Variants in ZFAND3 observed in about 807,000 individuals in gnomAD.
ZFAND3 encodes the protein AN1-type zinc finger protein 3.
ZFAND3 carries 10 observed loss-of-function variants against 29.6 expected under a neutral mutation model. That is an observed-to-expected ratio of 0.34 (90% CI 0.21 to 0.57). The LOEUF is 0.57. ZFAND3 is among the 20% of genes least tolerant of loss of function. The probability of loss-of-function intolerance (pLI) is 0.86; values close to 1 mark genes in which losing one functional copy is unlikely to be tolerated. For synonymous variants in ZFAND3, 128 were observed against 112.6 expected (o/e 1.14, Z -0.87); for missense variants, 230 against 304.5 (o/e 0.76, Z 1.82).
chr6:38,062,125 T>G (rs1764253858), intron 3 of ZFAND3, among the ~76,000 whole-genome samples: 1 of 152,182 alleles, frequency 6.6e-6, no homozygotes, highest in African/African-American at 2.4e-5. Flanking sequence ...GATCTGTTAT[T>G]TTTAACTCCG....
intron 1 of ZFAND3, among the ~76,000 whole-genome samples, chr6:37,832,736 A>G (rs1011309621): frequency 4.3e-4 from 65 of 152,200 alleles, no homozygotes; most frequent in African/African-American, 1.4e-3. Flanking sequence ...GAGTGCAGTG[A>G]CAGGATCATA....
intron 1 of ZFAND3, among the ~76,000 whole-genome samples, chr6:37,824,232 T>C (rs2127364314): frequency 6.6e-6 from 1 of 152,358 alleles, no homozygotes; most frequent in Admixed American, 6.5e-5. Flanking sequence ...GTATCTGAAA[T>C]GAAATAGTCA....
intron 2 of ZFAND3, among the ~76,000 whole-genome samples, chr6:37,998,445 TAAAAAG>T (rs1762889823): frequency 7.3e-6 from 1 of 136,734 alleles, no homozygotes; most frequent in African/African-American, 2.8e-5. Context: ...GTGTGAAAAT[TAAAAAG>T]AAAATGTTTA....
chr6:38,143,071 T>C (rs970399600), intron 5 of ZFAND3: 2 of 152,168 alleles, frequency 1.3e-5, no homozygotes, highest in African/African-American at 4.8e-5. Flanking sequence ...GGTTTTCCTA[T>C]ATGGAGGCAA....
At chr6:37,970,149 A>C (rs1561951130) in intron 2 of ZFAND3, among the ~76,000 whole-genome samples, 1 of 152,106 alleles carries the variant, frequency 6.6e-6, no homozygotes, top group African/African-American at 2.4e-5. Context: ...TAAATGAATA[A>C]ATATAAAAAT....
intron 2 of ZFAND3, among the ~76,000 whole-genome samples, chr6:38,032,988 G>A (rs1763590540): frequency 6.6e-6 from 1 of 152,140 alleles, no homozygotes. Flanking sequence ...TCCCCGGAAT[G>A]CTAATACAAA....
intron 1 of ZFAND3, among the ~76,000 whole-genome samples, chr6:37,854,565 C>T (rs1305760955): frequency 6.6e-6 from 1 of 152,036 alleles, no homozygotes; most frequent in Non-Finnish European, 1.5e-5. Context: ...TCTGTTTGCC[C>T]GGCACTGTTC....
At chr6:37,858,416 G>A (rs990878528) in intron 1 of ZFAND3, among the ~76,000 whole-genome samples, 5 of 152,170 alleles carry the variant, frequency 3.3e-5, no homozygotes, top group Non-Finnish European at 5.9e-5. Context: ...TTGACGTGCC[G>A]AAAGGTTAGA....
At chr6:38,115,104 G>A (rs1356829638) in intron 4 of ZFAND3, among the ~76,000 whole-genome samples, 1 of 151,294 alleles carries the variant, frequency 6.6e-6, no homozygotes, top group East Asian at 2.0e-4. Flanking sequence ...AGATATCAAA[G>A]GGAATGATGC....
At chr6:38,016,847 G>A (rs1458857807) in intron 2 of ZFAND3, among the ~76,000 whole-genome samples, 5 of 152,136 alleles carry the variant, frequency 3.3e-5, no homozygotes, top group South Asian at 2.1e-4. Flanking sequence ...CTGTCTTAGG[G>A]ATCTCTAGAA....
At position 38,142,323 on chromosome 6, in the gene ZFAND3, G is replaced by A. The variant is rs180795713; in HGVS notation, c.530-9912G>A. On this transcript the variant is annotated intron_variant, in intron 5 of 5. Transcript: ENST00000287218. ...ATGCCCCCTGACCACGTTGCCACTC[G>A]GACATTCTGTGACTTGGATGAACTG... 1.4e-3 allele frequency: 659 copies of A among 471,478 alleles called. 5 individuals are homozygous for A. Among genetic ancestry groups the A allele is most frequent in the Non-Finnish European group, 2.5e-3 (563 of 227,134 alleles). 29.2% of individuals were successfully genotyped at this position (471,478 alleles called of 1,614,324 possible).
chr6:37,839,618 G>T (rs533102643), intron 1 of ZFAND3, among the ~76,000 whole-genome samples: 3 of 151,702 alleles, frequency 2.0e-5, no homozygotes, highest in African/African-American at 7.3e-5. Flanking sequence ...GGGTTCAAGT[G>T]ATTCTCCTGC....
At chr6:37,882,519 T>C (rs1204200926) in intron 1 of ZFAND3, among the ~76,000 whole-genome samples, 2 of 152,178 alleles carry the variant, frequency 1.3e-5, no homozygotes, top group Admixed American at 1.3e-4. Context: ...CTACACACAC[T>C]GCTGCTATAC....
chr6:38,153,535 G>C lies in ZFAND3; in HGVS notation c.*1146G>C, dbSNP rs1295052340. ...AGTGGGTTTGGATCTGTCTAGAACA[G>C]CGGTTTGTGGCTGTGGCCCAGCTCC... On this transcript the variant is annotated 3_prime_UTR_variant, in exon 6 of 6. Transcript: ENST00000287218. 4.1e-6 allele frequency: 4 copies of C among 985,470 alleles called. No homozygotes were observed. The African/African-American group carries it at 7.0e-5, about 17-fold the overall frequency. 61.0% of individuals were successfully genotyped at this position (985,470 alleles called of 1,614,324 possible).
chr6:37,894,845 A>T, intron 1 of ZFAND3, among the ~76,000 whole-genome samples: 1 of 152,230 alleles, frequency 6.6e-6, no homozygotes. Context: ...TTTAGCATGC[A>T]ACATCTCTAA....
At chr6:37,863,289 G>C (rs918555108) in intron 1 of ZFAND3, among the ~76,000 whole-genome samples, 1 of 152,214 alleles carries the variant, frequency 6.6e-6, no homozygotes, top group African/African-American at 2.4e-5. Context: ...ATACCACTTT[G>C]AAATATTTCT....
chr6:37,830,215 G>A (rs748767263), intron 1 of ZFAND3, among the ~76,000 whole-genome samples: 33 of 152,130 alleles, frequency 2.2e-4, no homozygotes, highest in Non-Finnish European at 4.3e-4. Flanking sequence ...GAGTTGGAAG[G>A]GAAAGGACAC....
intron 4 of ZFAND3, among the ~76,000 whole-genome samples, chr6:38,099,061 T>C (rs1231333017): frequency 1.3e-5 from 2 of 152,196 alleles, no homozygotes; most frequent in African/African-American, 2.4e-5. Flanking sequence ...TAAATATTCC[T>C]ATTTCCTGAG....
Position 38,045,897 on chromosome 6 carries a change from A to G in ZFAND3, c.113-15696A>G, listed in dbSNP as rs183647123. ...TTCCTAGGGATCAAAGCAAAAATGG[A>G]AATACTGTGTAAGCAGTTCAAAGAT... On this transcript the variant is annotated intron_variant, in intron 2 of 5. Transcript: ENST00000287218. Among the ~76,000 whole-genome samples, 468 of 152,332 alleles carry G rather than the reference A, an allele frequency of 3.1e-3. 3 individuals carry two copies. The highest frequency in any genetic ancestry group is 0.011 in the African/African-American group (445 of 41,572).
Sources: allele counts gnomAD v4.1 joint callset (sites outside exome capture counted in the v4.1 genomes callset), GRCh38; gene constraint gnomAD v4.1.1; transcripts MANE v1.5; gene names NCBI Gene and HGNC (gene_info 2026-07-23, HGNC 2026-07-21).